Variants in FLNC observed in about 807,000 individuals in gnomAD.
FLNC encodes filamin C, also known as filamin-C.
A neutral mutation model predicts 254.3 loss-of-function variants in FLNC; 91 were observed. The observed-to-expected ratio is 0.36, with a 90% CI of 0.30 to 0.43. The LOEUF (loss-of-function observed/expected upper bound fraction) is 0.43. Among genes scored for constraint, FLNC ranks in the 20% least tolerant of loss-of-function variants. The pLI is 1.00. For synonymous variants in FLNC, 1,430 were observed against 1,577.2 expected, an observed-to-expected ratio of 0.91 and a Z score of 2.21; for missense variants, 2,853 against 3,802.6, an observed-to-expected ratio of 0.75 and a Z score of 6.57.
rs545145205 is a variant in FLNC, at chr7:128,846,675, C to A, written c.4128-70C>A. 4.0e-6 allele frequency: 6 copies of A among 1,510,722 alleles called. No homozygotes were observed. In the Admixed American group the frequency reaches 7.1e-5, roughly 18 times the overall value. 93.6% of individuals were successfully genotyped at this position (1,510,722 alleles called of 1,614,324 possible). A position where few individuals can be genotyped will look rare whatever the true frequency, so the allele number is the denominator to read the frequency against. On this transcript the variant is annotated intron_variant, in intron 23 of 47. Coordinates refer to ENST00000325888, the MANE Select transcript of FLNC (RefSeq NM_001458.5). ...GGCCTGCCCTCTTTCCTCCCTGTCC[C>A]CCCATTCAGCTACTCCCTCATCCTC...
rs765541921 is a variant in FLNC at position 128,837,368 on chromosome 7, G to A, written c.700-30G>A. 3.1e-5 allele frequency: 50 copies of A among 1,613,620 alleles called. No individual in the cohort carries two copies. In the Admixed American group the frequency reaches 4.0e-4, roughly 13 times the overall value. On this transcript the variant is annotated intron_variant, in intron 3 of 47. Transcript: ENST00000325888. ...ACTGGGGCTGCTGGGAAAAGAGGGC[G>A]CCATGTGACATCACTCCTTTCCATC...
chr7:128,844,523 T>G, intron 20 of FLNC, 135 bp from the exon 21 acceptor site: 1 of 969,794 alleles, frequency 1.0e-6, no homozygotes, highest in Non-Finnish European at 1.6e-6. Context: ...TGCCTCAATG[T>G]CATCACCTGG....
In FLNC at chr7:128,841,429, A is replaced by T. The variant is rs762771433; in HGVS notation, c.2008-25A>T. The T allele has an allele frequency of 3.7e-6, 6 of 1,612,020 alleles. No individual in the cohort carries two copies. The highest frequency in any genetic ancestry group is 5.1e-6 in the Non-Finnish European group (6 of 1,178,336). On this transcript the variant is annotated intron_variant, in intron 12 of 47. Transcript: ENST00000325888. This position sits in a 1 kb window ranked among gnomAD's most constrained non-coding sequence, Gnocchi z 4.3. ...CAAGCTGGTTCTCCTCCCCTCCCCA[A>T]CTCAGCCTTCTTCCCTCCGCACAGG...
intron 37 of FLNC, 79 bp downstream of exon 37, chr7:128,853,110 T>C: frequency 4.4e-6 from 6 of 1,364,820 alleles, no homozygotes. Context: ...CAGCACCCCC[T>C]TGGCCGCACT....
At chr7:128,838,151 C>A (rs754893418) in intron 6 of FLNC, 87 bp downstream of exon 6, 2 of 1,490,510 alleles carry the variant, frequency 1.3e-6, no homozygotes, top group African/African-American at 1.4e-5. Context: ...CTGTACCTCG[C>A]GCCTGCCCAG....
In FLNC at chr7:128,844,240, G is replaced by T; in HGVS notation, c.3166G>T (p.Gly1056Cys). 6.2e-7 allele frequency: 1 copy of T among 1,610,278 alleles called. No homozygotes were observed. Among genetic ancestry groups the T allele is most frequent in the Non-Finnish European group, 8.5e-7 (1 of 1,177,848 alleles). Reference sequence around the variant, plus strand: ...GCCTGGCAGCCCGTTTGCTGTGGAGGGTGTCCTGCCCCCTGATCCCTCCAA... The same window carrying T: ...GCCTGGCAGCCCGTTTGCTGTGGAGTGTGTCCTGCCCCCTGATCCCTCCAA... ...PVPGSPFAVE[G>C]VLPPDPSKVC... Residue 1056 changes from glycine to cysteine, a missense_variant, in exon 20 of 48, where the codon GGT becomes TGT. By Grantham distance (159) the Gly-to-Cys change is radical (BLOSUM62 -3). Coordinates refer to ENST00000325888, the MANE Select transcript of FLNC (RefSeq NM_001458.5).
At position 128,858,240 on chromosome 7, in the gene FLNC, C is replaced by CT. The variant is rs1318776907; in HGVS notation, c.7990+24dup. On this transcript the variant is annotated intron_variant, in intron 47 of 47. Transcript: ENST00000325888. The surrounding 1 kb of genome is among the most constrained non-coding windows in gnomAD (Gnocchi z 6.7). ...CAGGCAGGTGGCGGGGGGAGGGCGT[C>CT]TCCCGGGGTGTGAGCAAGAAGCCGT... The CT allele has an allele frequency of 1.5e-6, 2 of 1,330,814 alleles. No homozygotes were observed. The highest frequency in any genetic ancestry group is 2.8e-5 in the African/African-American group (2 of 70,196). The allele number at this position is 1,330,814 out of a possible 1,614,324, so 82.4% of individuals were successfully genotyped here.
In FLNC at chr7:128,848,818, C is replaced by G. The variant is rs148545460; in HGVS notation, c.4763C>G (p.Ala1588Gly). The change falls in exon 28 of 48, where the codon GCC becomes GGC. Residue 1588 changes from alanine to glycine, a missense_variant. Around this residue, in one of 10 missense-constraint regions of FLNC, gnomAD observed 1,573 missense variants for 1,883.5 expected, o/e 0.84. Coordinates refer to ENST00000325888, the MANE Select transcript of FLNC (RefSeq NM_001458.5). Reference protein sequence around the residue: ...ILDPEGKPKKANIRDNGDGTY... With the variant: ...ILDPEGKPKKGNIRDNGDGTY... ...GACCCCGAGGGTAAGCCCAAGAAGGCCAACATCCGGGACAATGGGGATGGC... is the reference window on the plus strand; with the variant it reads ...GACCCCGAGGGTAAGCCCAAGAAGGGCAACATCCGGGACAATGGGGATGGC... 290 of 1,614,188 alleles carry G rather than the reference C, an allele frequency of 1.8e-4. No individual in the cohort carries two copies. Among genetic ancestry groups the G allele is most frequent in the Middle Eastern group, 4.9e-4 (3 of 6,062 alleles).
At chr7:128,855,456 A>C (rs1014059528) in intron 43 of FLNC, 142 bp downstream of exon 43, 7 of 696,120 alleles carry the variant, frequency 1.0e-5, no homozygotes, top group Admixed American at 8.1e-5. Flanking sequence ...GGCACGAGGC[A>C]GGGCCCTTGG....
At chr7:128,837,026 C>A in intron 2 of FLNC, 134 bp from the exon 3 acceptor site, 2 of 685,478 alleles carry the variant, frequency 2.9e-6, no homozygotes, top group South Asian at 1.7e-5. Flanking sequence ...CAGCAGGAAC[C>A]TGGCTGGTCA....
In FLNC at chr7:128,842,107, G is replaced by T; in HGVS notation, c.2122-124G>T. 1 of 1,021,256 alleles carries T rather than the reference G, an allele frequency of 9.8e-7. No individual in the cohort carries two copies. The highest frequency in any genetic ancestry group is 1.4e-5 in the South Asian group (1 of 69,940). The allele number at this position is 1,021,256 out of a possible 1,614,324, so 63.3% of individuals were successfully genotyped here. A position where few individuals can be genotyped will look rare whatever the true frequency, so the allele number is the denominator to read the frequency against. On this transcript the variant is annotated intron_variant, in intron 13 of 47. Coordinates refer to ENST00000325888, the MANE Select transcript of FLNC (RefSeq NM_001458.5). This position sits in a 1 kb window ranked among gnomAD's most constrained non-coding sequence, Gnocchi z 5.4. ...GCCCTGGGCTCTGGTGGCCTCAGTG[G>T]CTGGTGTGGGGGCGGGAGTGCCAGT...
Position 128,844,109 on chromosome 7 carries a change from C to T in FLNC, c.3035C>T (p.Pro1012Leu), listed in dbSNP as rs1260044015. 1.2e-6 allele frequency: 2 copies of T among 1,613,868 alleles called. No homozygotes were observed. The highest frequency in any genetic ancestry group is 2.7e-5 in the African/African-American group (2 of 74,942). ...RMTSPSRRPI[P>L]CKLEPGGGAE... ...ACTTCGCCCTCTCGCCGGCCCATCC[C>T]CTGCAAGCTGGAGCCAGGCGGTGGA... The change falls in exon 20 of 48, where the codon CCC becomes CTC. Residue 1012 changes from proline to leucine, a missense_variant. Pro to Leu is a moderately conservative substitution (Grantham distance 98). Coordinates refer to ENST00000325888, the MANE Select transcript of FLNC (RefSeq NM_001458.5).
intron 8 of FLNC, 30 bp from the exon 9 acceptor site, chr7:128,839,993 C>A (rs1269832355): frequency 8.7e-6 from 14 of 1,608,076 alleles, no homozygotes; most frequent in East Asian, 6.7e-5. Context: ...CCCCTCAGCA[C>A]CCCCAACCTC....
Position 128,857,718 on chromosome 7 carries a change from G to A in FLNC, c.7781-290G>A, listed in dbSNP as rs199875901. Among the ~76,000 whole-genome samples the A allele has an allele frequency of 0.19, 27,247 of 146,116 alleles. 2,739 individuals are homozygous for A. Among genetic ancestry groups the A allele is most frequent in the African/African-American group, 0.44 (16,130 of 36,932 alleles). ...TGGGTGGGTGTTCCTTTGTAAAGTG[G>A]CTCTTACCCTGTGAGTTAGCCTGAG... is the stretch of plus-strand genomic sequence containing the variant. On this transcript the variant is annotated intron_variant, in intron 46 of 47. Coordinates refer to ENST00000325888, the MANE Select transcript of FLNC (RefSeq NM_001458.5). This position sits in a 1 kb window ranked among gnomAD's most constrained non-coding sequence, Gnocchi z 4.5.
At position 128,850,888 on chromosome 7, in the gene FLNC, C is replaced by G; in HGVS notation, c.5484C>G (p.Pro1828=). The change falls in exon 33 of 48, where the codon CCC becomes CCG. Residue 1828 remains proline, a synonymous_variant. Coordinates refer to ENST00000325888, the MANE Select transcript of FLNC (RefSeq NM_001458.5). The stretch of plus-strand genomic sequence containing the variant: ...GCACCATCACGGTGAGGTATGCACC[C>G]ACTGAGAAAGGCCTGCACCAGATGG... The part of the protein sequence containing the change: ...KDGTITVRYA[P]TEKGLHQMGI... The G allele has an allele frequency of 1.2e-6, 2 of 1,613,652 alleles. No individual in the cohort carries two copies. The highest frequency in any genetic ancestry group is 1.1e-5 in the South Asian group (1 of 91,012).
At position 128,859,071 on chromosome 7, in the gene FLNC, C is replaced by T. The variant is rs1809193678; in HGVS notation, c.*548C>T. 2 of 160,562 alleles carry T rather than the reference C, an allele frequency of 1.2e-5. No individual in the cohort carries two copies. The highest frequency in any genetic ancestry group is 1.2e-4 in the Admixed American group (2 of 17,154). 9.9% of individuals were successfully genotyped at this position (160,562 alleles called of 1,614,324 possible). On this transcript the variant is annotated 3_prime_UTR_variant, in exon 48 of 48. Transcript: ENST00000325888. The stretch of plus-strand genomic sequence containing the variant: ...CACATGGACCGGCCTGAGCGATGTG[C>T]ACTCCACCCAAGCCAGGCTCCCAGG...
At chr7:128,851,854 T>G (rs1205034889) in intron 35 of FLNC, among the ~76,000 whole-genome samples, 2 of 152,232 alleles carry the variant, frequency 1.3e-5, no homozygotes, top group East Asian at 3.8e-4. Context: ...TCATTTAGTC[T>G]TTGAAGTCAT....
intron 8 of FLNC, 67 bp downstream of exon 8, chr7:128,838,870 G>A: frequency 6.8e-7 from 1 of 1,481,194 alleles, no homozygotes; most frequent in Non-Finnish European, 9.4e-7. Flanking sequence ...GGGGCAGGAG[G>A]AAGAGCTGGG....
Position 128,853,827 on chromosome 7 carries a change from C to G in FLNC, c.6474C>G (p.Leu2158=). Residue 2158 remains leucine, a synonymous_variant, in exon 39 of 48, where the codon CTC becomes CTG. Transcript: ENST00000325888. The part of the protein sequence containing the change: ...ATIGSTCDLN[L]KIPGNWFQMV... ...TCGGCAGCACCTGTGACCTCAACCT[C>G]AAGATCCCAGGTAGAAGCCTGGAGG... 1.9e-6 allele frequency: 3 copies of G among 1,613,444 alleles called. No homozygotes were observed. The highest frequency in any genetic ancestry group is 2.5e-6 in the Non-Finnish European group (3 of 1,179,990).
Sources: allele counts gnomAD v4.1 joint callset (sites outside exome capture counted in the v4.1 genomes callset), GRCh38; gene constraint gnomAD v4.1.1; regional missense constraint gnomAD v4.1.1; non-coding constraint Gnocchi (gnomAD v3.1); transcripts MANE v1.5; gene names NCBI Gene and HGNC (gene_info 2026-07-23, HGNC 2026-07-21).